Variants in SDK1 observed in about 807,000 individuals in gnomAD.
SDK1 encodes the protein sidekick cell adhesion molecule 1, also known as protein sidekick-1.
In SDK1, 157 loss-of-function variants were observed where a neutral mutation model predicts 245.5. The observed-to-expected ratio is 0.64, with a 90% confidence interval of 0.56 to 0.73. The LOEUF (loss-of-function observed/expected upper bound fraction) is 0.73, where lower values mean the gene tolerates loss of function less well. SDK1 is among the 30% of genes least tolerant of loss of function. The pLI, the probability that SDK1 is intolerant of heterozygous loss-of-function variation, is 0.00. For missense variants in SDK1, 3,583 were observed against 3,002.3 expected (o/e 1.19, Z -4.52); for synonymous variants, 1,647 against 1,278.5 (o/e 1.29, Z -6.15).
intron 17 of SDK1, among the ~76,000 whole-genome samples, chr7:4,037,637 A>G (rs1164555474): frequency 6.6e-6 from 1 of 152,158 alleles, no homozygotes; most frequent in Non-Finnish European, 1.5e-5. Context: ...AAAATAAAAT[A>G]GCTTCTTTTG....
chr7:3,633,503 G>C (rs575177836), intron 2 of SDK1, among the ~76,000 whole-genome samples: 1 of 152,134 alleles, frequency 6.6e-6, no homozygotes, highest in East Asian at 1.9e-4. Flanking sequence ...ATACTCAAGA[G>C]AACTTCTTAT....
At chr7:4,036,326 A>G (rs1259512277) in intron 17 of SDK1, among the ~76,000 whole-genome samples, 3 of 152,182 alleles carry the variant, frequency 2.0e-5, no homozygotes, top group Non-Finnish European at 2.9e-5. Flanking sequence ...GACAAAAGTA[A>G]TGAATGGTTT....
At chr7:3,451,487 T>C (rs769384507) in intron 1 of SDK1, among the ~76,000 whole-genome samples, 1 of 152,132 alleles carries the variant, frequency 6.6e-6, no homozygotes, top group Non-Finnish European at 1.5e-5. Context: ...TGCCTTGCAC[T>C]GAGGCCTCTG....
At chr7:3,931,923 A>T (rs1380605615) in intron 5 of SDK1, among the ~76,000 whole-genome samples, 1 of 152,216 alleles carries the variant, frequency 6.6e-6, no homozygotes, top group East Asian at 1.9e-4. Flanking sequence ...TAAATTTGCT[A>T]TACAGCTGTT....
chr7:3,955,009 C>A (rs1356912832), intron 7 of SDK1, among the ~76,000 whole-genome samples: 1 of 152,048 alleles, frequency 6.6e-6, no homozygotes, highest in Admixed American at 6.5e-5. Context: ...CCTCTGACTG[C>A]AGCACCTTAG....
In SDK1 at chr7:3,348,235, C is replaced by G. The variant is rs115165409; in HGVS notation, c.298+46351C>G. Reference sequence around the variant, plus strand: ...CTTCACTACTTGATAACTGTGTGATCCGAGGCAATTTTATTACCCTCTCTG... The same window carrying G: ...CTTCACTACTTGATAACTGTGTGATGCGAGGCAATTTTATTACCCTCTCTG... On this transcript the variant is annotated intron_variant, in intron 1 of 44. Transcript: ENST00000404826. Among the ~76,000 whole-genome samples, 1,058 of 152,266 alleles carry G rather than the reference C, an allele frequency of 6.9e-3. 12 individuals are homozygous for G. The highest frequency in any genetic ancestry group is 0.024 in the African/African-American group (1,008 of 41,536).
At chr7:3,921,892 G>T (rs1048622953) in intron 5 of SDK1, among the ~76,000 whole-genome samples, 1 of 151,268 alleles carries the variant, frequency 6.6e-6, no homozygotes, top group Non-Finnish European at 1.5e-5. Flanking sequence ...CCTGAGCCCA[G>T]GAGGTCAAGG....
intron 17 of SDK1, among the ~76,000 whole-genome samples, chr7:4,024,647 A>T (rs1787190258): frequency 6.6e-6 from 1 of 152,186 alleles, no homozygotes; most frequent in African/African-American, 2.4e-5. Flanking sequence ...CCTGGGGGTC[A>T]CATAAGATAA....
chr7:3,843,180 AGCT>A (rs1481694524), intron 5 of SDK1, among the ~76,000 whole-genome samples: 1 of 152,184 alleles, frequency 6.6e-6, no homozygotes, highest in Non-Finnish European at 1.5e-5. Flanking sequence ...ACCAATCTTA[AGCT>A]GTAGCATGAA....
chr7:3,991,380 G>A (rs898977717), intron 14 of SDK1, among the ~76,000 whole-genome samples: 5 of 152,132 alleles, frequency 3.3e-5, no homozygotes, highest in African/African-American at 1.2e-4. Context: ...GGCAGAAATG[G>A]CTTTTCCCTC....
At chr7:3,695,988 C>G (rs1275316614) in intron 4 of SDK1, among the ~76,000 whole-genome samples, 1 of 152,106 alleles carries the variant, frequency 6.6e-6, no homozygotes, top group Admixed American at 6.5e-5. Context: ...TTCTTTTTTG[C>G]TTTCCTCCCA....
At chr7:3,885,883 T>C (rs1235537230) in intron 5 of SDK1, among the ~76,000 whole-genome samples, 2 of 152,192 alleles carry the variant, frequency 1.3e-5, no homozygotes, top group Non-Finnish European at 2.9e-5. Flanking sequence ...CGGAGAAAAG[T>C]ATGCATTCTG....
chr7:3,559,326 A>G (rs926518441), intron 1 of SDK1, among the ~76,000 whole-genome samples: 1 of 152,112 alleles, frequency 6.6e-6, no homozygotes, highest in East Asian at 1.9e-4. Flanking sequence ...GTGAAATGGT[A>G]GTTGGAAGTA....
intron 35 of SDK1, among the ~76,000 whole-genome samples, chr7:4,189,612 G>A (rs1783076094): frequency 6.6e-6 from 1 of 152,200 alleles, no homozygotes; most frequent in African/African-American, 2.4e-5. Context: ...CACTTTGAGA[G>A]GCCAAGGCGG....
intron 25 of SDK1, among the ~76,000 whole-genome samples, chr7:4,126,876 G>A (rs1004876917): frequency 6.6e-6 from 1 of 152,192 alleles, no homozygotes; most frequent in African/African-American, 2.4e-5. Context: ...ATCATTGTGG[G>A]ATTAGATGCA....
intron 30 of SDK1, among the ~76,000 whole-genome samples, chr7:4,149,817 G>A (rs890795260): frequency 4.6e-5 from 7 of 152,204 alleles, no homozygotes; most frequent in Non-Finnish European, 1.0e-4. Context: ...AGGGGACCAT[G>A]TGGAGGAGGG....
In SDK1 at chr7:3,480,032, C is replaced by T. The variant is rs150936503; in HGVS notation, c.299-139048C>T. On this transcript the variant is annotated intron_variant, in intron 1 of 44. Transcript: ENST00000404826. ...AAAGTAAAGATGTCTACATCCCAAT[C>T]GTCAGAACCTGTGAATATGTCCCTT... Among the ~76,000 whole-genome samples, 645 of 152,244 alleles carry T rather than the reference C, an allele frequency of 4.2e-3. 7 individuals are homozygous for T. The highest frequency in any genetic ancestry group is 0.018 in the South Asian group (85 of 4,812).
intron 1 of SDK1, among the ~76,000 whole-genome samples, chr7:3,501,290 T>C (rs1782203661): frequency 6.6e-6 from 1 of 152,112 alleles, no homozygotes; most frequent in Non-Finnish European, 1.5e-5. Flanking sequence ...AGTTTTCTGC[T>C]TGGCTATTAA....
chr7:3,767,130 T>C (rs1248596922), intron 4 of SDK1, among the ~76,000 whole-genome samples: 3 of 152,132 alleles, frequency 2.0e-5, no homozygotes, highest in African/African-American at 4.8e-5. Flanking sequence ...GAGATCCTTC[T>C]CTAAGGCATC....
Sources: allele counts gnomAD v4.1 joint callset (sites outside exome capture counted in the v4.1 genomes callset), GRCh38; gene constraint gnomAD v4.1.1; transcripts MANE v1.5; gene names NCBI Gene and HGNC (gene_info 2026-07-23, HGNC 2026-07-21).